ASB14: variants seen among roughly 807,000 people sequenced by gnomAD.
The protein encoded by ASB14 is ankyrin repeat and SOCS box protein 14.
A neutral mutation model predicts 55.6 loss-of-function variants in ASB14; 63 were observed. The observed-to-expected ratio is 1.13, with a 90% CI of 0.92 to 1.40. The LOEUF is 1.40. Ranked by LOEUF, ASB14 falls within the 40% of genes most tolerant of loss-of-function variation. ASB14 has a pLI of 0.00. For synonymous variants in ASB14, 256 were observed against 259.9 expected (o/e 0.98, Z 0.15); for missense variants, 724 against 710.4 (o/e 1.02, Z -0.22).
Position 57,283,428 on chromosome 3 carries a change from C to CA in ASB14, c.480dup (p.Asp161Ter), listed in dbSNP as rs919408576. On this transcript the variant is annotated frameshift_variant, in exon 6 of 11. Transcript: ENST00000487349. LOFTEE classifies it high-confidence loss of function. ...AGCAAGGCAGCCATGTCATAGCAGT[C>CA]ACGCAGCACAGCTGGGAAATGAGAA... 5.8e-6 allele frequency: 9 copies of CA among 1,551,236 alleles called. No homozygotes were observed. Among genetic ancestry groups the CA allele is most frequent in the Non-Finnish European group, 7.8e-6 (9 of 1,146,886 alleles).
chr3:57,277,262 C>CA (rs567523418), intron 9 of ASB14, among the ~76,000 whole-genome samples: 1,157 of 115,226 alleles, frequency 0.01, 5 homozygotes, highest in East Asian at 0.02. Context: ...GACTCTGTCT[C>CA]AAAAAAAAAA....
chr3:57,276,810 A>G (rs780608453), intron 9 of ASB14, 82 bp from the exon 10 acceptor site: 4 of 1,309,404 alleles, frequency 3.1e-6, no homozygotes, highest in Non-Finnish European at 4.2e-6. Flanking sequence ...AACGTATTTG[A>G]TAGCATTTCA....
chr3:57,271,540 T>A (rs1579412818), intron 10 of ASB14: 1 of 152,228 alleles, frequency 6.6e-6, no homozygotes, highest in East Asian at 1.9e-4. Flanking sequence ...GAGCTTTCTG[T>A]TCCATTAAGT....
chr3:57,269,666 G>A, intron 10 of ASB14, 48 bp from the exon 11 acceptor site: 3 of 1,614,058 alleles, frequency 1.9e-6, no homozygotes, highest in Non-Finnish European at 1.7e-6. Flanking sequence ...AAGGAGGAAA[G>A]AAGAGAGAAT....
chr3:57,276,793 G>A, intron 9 of ASB14, 65 bp from the exon 10 acceptor site: 1 of 1,424,418 alleles, frequency 7.0e-7, no homozygotes. Flanking sequence ...TTAGGGTTTT[G>A]TTAGCAAACG....
intron 10 of ASB14, chr3:57,271,930 G>A (rs1367706775): frequency 6.6e-6 from 1 of 151,664 alleles, no homozygotes; most frequent in African/African-American, 2.4e-5. Flanking sequence ...CATTACTGCA[G>A]AGATTTAAGT....
At chr3:57,275,451 CA>C (rs11323278) in intron 10 of ASB14, among the ~76,000 whole-genome samples, 70,213 of 114,368 alleles carry the variant, frequency 0.61, 20,228 homozygotes, top group African/African-American at 0.74. Flanking sequence ...GACTCCATCT[CA>C]AAAAAAAAAA....
rs978330196 is a variant in ASB14 at position 57,280,288 on chromosome 3, T to A, written c.887+14A>T. 37 of 1,520,408 alleles carry A rather than the reference T, an allele frequency of 2.4e-5. 1 individual carries two copies. Among genetic ancestry groups the A allele is most frequent in the Admixed American group, 4.0e-5 (2 of 49,408 alleles). 94.2% of individuals were successfully genotyped at this position (1,520,408 alleles called of 1,614,324 possible). A position where few individuals can be genotyped will look rare whatever the true frequency, so the allele number is the denominator to read the frequency against. On this transcript the variant is annotated intron_variant, in intron 7 of 10. Coordinates refer to ENST00000487349, the MANE Select transcript of ASB14 (RefSeq NM_001142733.3). ...ACTGTTTTTATTATTTATAATAATG[T>A]AATTGAACTTAACAGTAAGTGGCCC...
At chr3:57,276,445 T>C in intron 10 of ASB14, 83 bp downstream of exon 10, 1 of 1,000,572 alleles carries the variant, frequency 1.0e-6, no homozygotes, top group Non-Finnish European at 1.5e-6. Flanking sequence ...TTAGACTGCA[T>C]TGAGATTTTA....
intron 2 of ASB14, among the ~76,000 whole-genome samples, chr3:57,290,668 A>C (rs2061121718): frequency 6.6e-6 from 1 of 152,212 alleles, no homozygotes; most frequent in South Asian, 2.1e-4. Context: ...AATCTAATCA[A>C]GTAAATGCAT....
Position 57,278,677 on chromosome 3 carries a change from A to G in ASB14, c.1131T>C (p.Ser377=). 6.2e-7 allele frequency: 1 copy of G among 1,614,168 alleles called. No homozygotes were observed. The highest frequency in any genetic ancestry group is 8.5e-7 in the Non-Finnish European group (1 of 1,180,034). Residue 377 remains serine (S), a synonymous_variant, in exon 8 of 11, where the codon AGT becomes AGC. Coordinates refer to ENST00000487349, the MANE Select transcript of ASB14 (RefSeq NM_001142733.3). ...GGTCTTGATTAGGCAGAGCTCCAGC[A>G]CTCAGAAGCAGCTTGACTGAAGAGA... is the stretch of plus-strand genomic sequence containing the variant. The part of the protein sequence containing the change: ...SDLSSVKLLL[S]AGALPNQDPV...
chr3:57,280,878 T>A (rs549237308), intron 6 of ASB14, among the ~76,000 whole-genome samples: 1 of 152,338 alleles, frequency 6.6e-6, no homozygotes, highest in East Asian at 1.9e-4. Flanking sequence ...GATACTGTTT[T>A]GGTGGAAAAG....
At chr3:57,290,075 T>C (rs1017013126) in intron 2 of ASB14, among the ~76,000 whole-genome samples, 3 of 152,232 alleles carry the variant, frequency 2.0e-5, no homozygotes, top group Non-Finnish European at 4.4e-5. Flanking sequence ...AGATTTAGTA[T>C]TGTGTTAGTT....
intron 6 of ASB14, among the ~76,000 whole-genome samples, chr3:57,282,813 G>C (rs1278701431): frequency 6.6e-6 from 1 of 152,250 alleles, no homozygotes; most frequent in South Asian, 2.1e-4. Flanking sequence ...AAGCCATTTG[G>C]TAACAGATTA....
In ASB14 at chr3:57,268,348, T is replaced by G; in HGVS notation, c.*1293A>C. On this transcript the variant is annotated 3_prime_UTR_variant, in exon 11 of 11. Transcript: ENST00000487349. ...TGATATTAACTGAAATGTCTAAAATTTAAAGTTATTTCATATTTAATTCAT... is the reference window on the plus strand; with the variant it reads ...TGATATTAACTGAAATGTCTAAAATGTAAAGTTATTTCATATTTAATTCAT... The G allele has an allele frequency of 6.9e-7, 1 of 1,458,088 alleles. No individual in the cohort carries two copies. The highest frequency in any genetic ancestry group is 9.3e-7 in the Non-Finnish European group (1 of 1,079,506). 90.3% of individuals were successfully genotyped at this position (1,458,088 alleles called of 1,614,324 possible).
intron 6 of ASB14, 93 bp from the exon 7 acceptor site, chr3:57,280,566 A>AGTGAGCAGCAG: frequency 8.8e-7 from 1 of 1,136,936 alleles, no homozygotes; most frequent in Non-Finnish European, 1.2e-6. Context: ...CCAAAAAGCA[A>AGTGAGCAGCAG]TTAGTGAGCA....
At position 57,287,949 on chromosome 3, in the gene ASB14, A is replaced by G; in HGVS notation, c.421T>C (p.Cys141Arg). Reference sequence around the variant, plus strand: ...TCGAAATTCTTAGCATTTGGATTGCAGCCATTGAGAAGAAGAAAAGTGGCA... The same window carrying G: ...TCGAAATTCTTAGCATTTGGATTGCGGCCATTGAGAAGAAGAAAAGTGGCA... Reference protein sequence around the residue: ...ENATFLLLNGCNPNAKNFEGN... With the variant: ...ENATFLLLNGRNPNAKNFEGN... The change falls in exon 5 of 11, where the codon TGC (cysteine) becomes CGC (arginine). Residue 141 changes from cysteine to arginine, a missense_variant. Cys to Arg is a radical substitution (Grantham distance 180). Coordinates refer to ENST00000487349, the MANE Select transcript of ASB14 (RefSeq NM_001142733.3). 6.5e-7 allele frequency: 1 copy of G among 1,537,306 alleles called. No individual in the cohort carries two copies. Among genetic ancestry groups the G allele is most frequent in the Middle Eastern group, 1.7e-4 (1 of 5,990 alleles).
At position 57,278,873 on chromosome 3, in the gene ASB14, T is replaced by C. The variant is rs2061013406; in HGVS notation, c.935A>G (p.Gln312Arg). Residue 312 changes from glutamine to arginine, a missense_variant, in exon 8 of 11, where the codon CAG (glutamine) becomes CGG (arginine). Gln to Arg is a conservative substitution (Grantham distance 43). Coordinates refer to ENST00000487349, the MANE Select transcript of ASB14 (RefSeq NM_001142733.3). The part of the protein sequence containing the change: ...IPVTDLAAIK[Q>R]SGISPVHCAA... The stretch of plus-strand genomic sequence containing the variant: ...ACAGTGAACTGGACTGATCCCACTC[T>C]GCTTAATGGCAGCAAGATCCGTAAC... 1.9e-6 allele frequency: 3 copies of C among 1,613,696 alleles called. No homozygotes were observed. In the African/African-American group the frequency reaches 4.0e-5, roughly 22 times the overall value.
chr3:57,289,724 T>C (rs1381575823), intron 2 of ASB14, among the ~76,000 whole-genome samples: 5 of 144,766 alleles, frequency 3.5e-5, no homozygotes, highest in African/African-American at 1.0e-4. Context: ...ATGGAGTCTG[T>C]CTCTGTCGCC....
Sources: gnomAD v4.1 joint callset for allele counts (sites outside exome capture counted in the v4.1 genomes callset) on GRCh38, gnomAD v4.1.1 for gene constraint, MANE v1.5 for transcripts, NCBI Gene and HGNC (gene_info 2026-07-23, HGNC 2026-07-21) for gene names.